The following PARN variants were observed in gnomAD, a reference collection of about 807,000 sequenced individuals.
PARN encodes the protein poly(A)-specific ribonuclease, also known as poly(A)-specific ribonuclease PARN.
PARN carries 71 observed loss-of-function variants against 102.8 expected under a neutral mutation model. The ratio of observed to expected loss-of-function variants is 0.69; its 90% confidence interval spans 0.57 to 0.84. The LOEUF (loss-of-function observed/expected upper bound fraction) is 0.84, where lower values mean the gene tolerates loss of function less well. Among genes scored for constraint, PARN ranks in the 40% least tolerant of loss-of-function variants. PARN has a pLI of 0.00. For missense variants in PARN, 782 were observed against 760.9 expected (o/e 1.03, Z -0.33); for synonymous variants, 261 against 252.9 (o/e 1.03, Z -0.30).
intron 18 of PARN, among the ~76,000 whole-genome samples, chr16:14,566,852 G>C (rs1167424525): frequency 2.6e-5 from 4 of 152,216 alleles, no homozygotes; most frequent in African/African-American, 9.6e-5. Flanking sequence ...TGCTGGGTGG[G>C]TGGCCTGTAA....
chr16:14,449,503 G>C (rs553802578), intron 22 of PARN, among the ~76,000 whole-genome samples: 1 of 152,214 alleles, frequency 6.6e-6, no homozygotes, highest in Non-Finnish European at 1.5e-5. Context: ...AAGGATTTAT[G>C]AATGTGACCT....
chr16:14,454,382 T>C (rs566767881), intron 22 of PARN, among the ~76,000 whole-genome samples: 15 of 152,362 alleles, frequency 9.8e-5, no homozygotes, highest in South Asian at 4.1e-4. Flanking sequence ...TTCTTAATAG[T>C]ATCTTTTGAA....
At chr16:14,561,952 G>C (rs1240351699) in intron 18 of PARN, among the ~76,000 whole-genome samples, 1 of 152,190 alleles carries the variant, frequency 6.6e-6, no homozygotes, top group Non-Finnish European at 1.5e-5. Flanking sequence ...AAGAGTTCCA[G>C]ACTGGCCTTG....
intron 20 of PARN, among the ~76,000 whole-genome samples, chr16:14,553,105 T>C (rs1967424077): frequency 6.6e-6 from 1 of 150,468 alleles, no homozygotes; most frequent in South Asian, 2.1e-4. Context: ...TTCTAAAATA[T>C]CAATTTAAAA....
At chr16:14,437,672 A>G (rs1021419677) in intron 23 of PARN, among the ~76,000 whole-genome samples, 1 of 152,236 alleles carries the variant, frequency 6.6e-6, no homozygotes, top group Non-Finnish European at 1.5e-5. Flanking sequence ...GGTGCCATGC[A>G]TTAAGTCATA....
At chr16:14,560,812 A>C (rs1303143978) in intron 18 of PARN, among the ~76,000 whole-genome samples, 1 of 152,176 alleles carries the variant, frequency 6.6e-6, no homozygotes, top group Admixed American at 6.5e-5. Context: ...TCCATTACCC[A>C]TGTGCTGGGT....
At chr16:14,555,269 C>G (rs1346900584) in intron 19 of PARN, among the ~76,000 whole-genome samples, 1 of 152,124 alleles carries the variant, frequency 6.6e-6, no homozygotes, top group Non-Finnish European at 1.5e-5. Context: ...CAGAAATCAA[C>G]CTACTAAATT....
intron 12 of PARN, among the ~76,000 whole-genome samples, chr16:14,598,568 ACT>A (rs1227352022): frequency 1.3e-5 from 2 of 152,046 alleles, no homozygotes; most frequent in Non-Finnish European, 2.9e-5. Context: ...CAGAAACTCA[ACT>A]CTGCTTTTCT....
chr16:14,475,842 CTTATT>C (rs1335723479), intron 22 of PARN, among the ~76,000 whole-genome samples: 3 of 152,216 alleles, frequency 2.0e-5, no homozygotes, highest in African/African-American at 7.2e-5. Context: ...ACTTTAATCC[CTTATT>C]TTATTTAAGA....
intron 18 of PARN, among the ~76,000 whole-genome samples, chr16:14,578,794 G>A (rs1969323730): frequency 6.6e-6 from 1 of 152,064 alleles, no homozygotes; most frequent in Admixed American, 6.6e-5. Context: ...AATCACAGAA[G>A]GATTCCCAAA....
intron 3 of PARN, 31 bp from the exon 4 acceptor site, chr16:14,627,367 A>G: frequency 6.7e-7 from 1 of 1,495,632 alleles, no homozygotes; most frequent in East Asian, 2.4e-5. Flanking sequence ...ATCTGTCACA[A>G]AAGTGCTGCA....
At chr16:14,562,581 G>T (rs967539110) in intron 18 of PARN, among the ~76,000 whole-genome samples, 1 of 151,752 alleles carries the variant, frequency 6.6e-6, no homozygotes, top group African/African-American at 2.4e-5. Context: ...ATGCAACTAG[G>T]TTCTCTGCAA....
At chr16:14,452,064 C>T (rs1567287561) in intron 22 of PARN, among the ~76,000 whole-genome samples, 1 of 151,570 alleles carries the variant, frequency 6.6e-6, no homozygotes, top group East Asian at 1.9e-4. Flanking sequence ...ACAACAACAA[C>T]AATAACAACA....
At chr16:14,465,158 C>T (rs980776975) in intron 22 of PARN, among the ~76,000 whole-genome samples, 2 of 152,160 alleles carry the variant, frequency 1.3e-5, no homozygotes, top group African/African-American at 4.8e-5. Flanking sequence ...GCTTCAACCT[C>T]CTGGGCTCAA....
intron 23 of PARN, among the ~76,000 whole-genome samples, chr16:14,441,393 T>G (rs1960932348): frequency 6.6e-6 from 1 of 152,156 alleles, no homozygotes; most frequent in Non-Finnish European, 1.5e-5. Flanking sequence ...CTTGAAGGGG[T>G]AAGGCATTGC....
intron 18 of PARN, among the ~76,000 whole-genome samples, chr16:14,573,831 G>C (rs770878125): frequency 6.6e-6 from 1 of 152,162 alleles, no homozygotes; most frequent in Non-Finnish European, 1.5e-5. Flanking sequence ...TGATTGTGAG[G>C]CCTCCCCAGC....
intron 1 of PARN, among the ~76,000 whole-genome samples, chr16:14,629,879 G>T (rs928703039): frequency 6.6e-6 from 1 of 152,216 alleles, no homozygotes; most frequent in Non-Finnish European, 1.5e-5. Flanking sequence ...CCCGGAGAAG[G>T]ACAAGGCCCC....
intron 5 of PARN, among the ~76,000 whole-genome samples, chr16:14,621,426 G>A (rs1487611926): frequency 6.6e-6 from 1 of 152,154 alleles, no homozygotes; most frequent in Non-Finnish European, 1.5e-5. Flanking sequence ...GTACAATAGT[G>A]TCAATGTACT....
In PARN at chr16:14,468,107, C is replaced by T. The variant is rs138025882; in HGVS notation, c.1670+14531G>A. Among the ~76,000 whole-genome samples, 297 of 152,084 alleles carry T rather than the reference C, an allele frequency of 2.0e-3. 2 individuals are homozygous for T. Among genetic ancestry groups the T allele is most frequent in the African/African-American group, 6.9e-3 (285 of 41,486 alleles). ...AGGCATCTCACAAGGCACTTCTAGTCGAAGGGAAGGATCATAAATGGATAT... is the reference window on the plus strand; with the variant it reads ...AGGCATCTCACAAGGCACTTCTAGTTGAAGGGAAGGATCATAAATGGATAT... On this transcript the variant is annotated intron_variant, in intron 22 of 23. Coordinates refer to ENST00000437198, the MANE Select transcript of PARN (RefSeq NM_002582.4).
Sources: allele counts gnomAD v4.1 joint callset (sites outside exome capture counted in the v4.1 genomes callset), GRCh38; gene constraint gnomAD v4.1.1; transcripts MANE v1.5; gene names NCBI Gene and HGNC (gene_info 2026-07-23, HGNC 2026-07-21).